NLRP11: variants seen among roughly 807,000 people sequenced by gnomAD.
NLRP11 encodes NACHT, LRR and PYD domains-containing protein 11.
In NLRP11, 53 loss-of-function variants were observed where a neutral mutation model predicts 79.3. The observed-to-expected ratio is 0.67, with a 90% confidence interval of 0.54 to 0.84. The LOEUF (loss-of-function observed/expected upper bound fraction) is 0.84, where lower values mean the gene tolerates loss of function less well. NLRP11 is among the 40% of genes least tolerant of loss of function. The pLI, the probability that NLRP11 is intolerant of heterozygous loss-of-function variation, is 0.00. For missense variants in NLRP11, 1,264 were observed against 1,255.0 expected (o/e 1.01, Z -0.11); for synonymous variants, 518 against 462.6 (o/e 1.12, Z -1.54).
chr19:55,822,882 C>T (rs1481331614), intron 1 of NLRP11, among the ~76,000 whole-genome samples: 1 of 152,210 alleles, frequency 6.6e-6, no homozygotes, highest in Non-Finnish European at 1.5e-5. Flanking sequence ...ACAAAGCAGC[C>T]AGGAAGCTGG....
At chr19:55,812,236 G>C (rs370394351) in intron 2 of NLRP11, among the ~76,000 whole-genome samples, 1 of 152,144 alleles carries the variant, frequency 6.6e-6, no homozygotes, top group African/African-American at 2.4e-5. Flanking sequence ...GGTATATAGA[G>C]TATAAGAATC....
rs1176795923 is a variant in NLRP11, at chr19:55,797,897, C to G, written c.2172-1647G>C. ...GGAGCAGGTTTGGTGTTTTAAACAT[C>G]TACAACAAACAGTGCAGCCGCAGCA... On this transcript the variant is annotated intron_variant, in intron 5 of 9. Coordinates refer to ENST00000589093, the Ensembl canonical transcript of NLRP11. Among the ~76,000 whole-genome samples the G allele has an allele frequency of 4.6e-5, 7 of 152,222 alleles. No individual in the cohort carries two copies. In the East Asian group the frequency reaches 1.4e-3, roughly 29 times the overall value.
intron 5 of NLRP11, 63 bp from the exon 6 acceptor site, chr19:55,796,313 T>TAAA (rs35540760): frequency 1.8e-4 from 180 of 1,013,320 alleles, no homozygotes; most frequent in South Asian, 2.9e-4. Flanking sequence ...TCTTTTAAAT[T>TAAA]AAAAAAAAAA....
Position 55,809,469 on chromosome 19 carries a change from C to T in NLRP11, c.1141G>A (p.Glu381Lys). The T allele has an allele frequency of 6.2e-7, 1 of 1,614,182 alleles. No individual in the cohort carries two copies. Residue 381 changes from glutamate to lysine, a missense_variant, in exon 3 of 10, where the codon GAG (glutamate) becomes AAG (lysine). Transcript: ENST00000589093. The surrounding 1 kb of genome is among the most constrained non-coding windows in gnomAD (Gnocchi z 4.5). ...TACTGATTGGCAGTAAGTCCAGCCT[C>T]TGATGTCAACGCATCAGCAAGAAAG...
At chr19:55,805,771 C>A (rs1482272522) in intron 4 of NLRP11, among the ~76,000 whole-genome samples, 1 of 152,170 alleles carries the variant, frequency 6.6e-6, no homozygotes, top group East Asian at 1.9e-4. Context: ...AACTCCCAAC[C>A]TCAAGTGATC....
At chr19:55,821,243 A>ACACACACC (rs1981691616) in intron 1 of NLRP11, among the ~76,000 whole-genome samples, 1 of 121,182 alleles carries the variant, frequency 8.3e-6, no homozygotes, top group Non-Finnish European at 1.8e-5. Flanking sequence ...ACACACACAC[A>ACACACACC]CACACACCCC....
At chr19:55,788,999 A>G (rs1322161926) in intron 8 of NLRP11, 22 bp from the exon 9 acceptor site, 2 of 1,613,348 alleles carry the variant, frequency 1.2e-6, no homozygotes, top group Non-Finnish European at 1.7e-6. Flanking sequence ...ATGCACAGGT[A>G]AGGTGGGGCC....
chr19:55,816,016 A>G (rs1600195828), intron 2 of NLRP11, among the ~76,000 whole-genome samples: 1 of 152,252 alleles, frequency 6.6e-6, no homozygotes, highest in Non-Finnish European at 1.5e-5. Context: ...CCTGTGAGTC[A>G]TAACGATGAG....
exon 2 of NLRP11, chr19:55,818,090 A>G: frequency 8.1e-6 from 13 of 1,613,772 alleles, no homozygotes; most frequent in Non-Finnish European, 1.1e-5. Flanking sequence ...CGTGCCAGAT[A>G]CTTCTTAAAA....
intron 9 of NLRP11, among the ~76,000 whole-genome samples, chr19:55,787,446 C>T (rs981524428): frequency 3.9e-5 from 6 of 152,192 alleles, no homozygotes; most frequent in African/African-American, 1.4e-4. Context: ...AAGTGATTCT[C>T]GTGCCTCAGC....
upstream of NLRP11, among the ~76,000 whole-genome samples, chr19:55,835,026 C>T (rs1983113388): frequency 6.6e-6 from 1 of 152,184 alleles, no homozygotes; most frequent in Non-Finnish European, 1.5e-5. Context: ...CTTATGGGTA[C>T]ATGAGTCTGC....
At chr19:55,808,909 C>T (rs1980277480) in exon 3 of NLRP11, 1 of 1,614,096 alleles carries the variant, frequency 6.2e-7, no homozygotes, top group African/African-American at 1.3e-5. Flanking sequence ...AAACTGTAAC[C>T]TCCATGAGAG....
chr19:55,801,724 CGA>C lies in NLRP11; in HGVS notation c.2017_2018del (p.Ser673AspfsTer6). The C allele has an allele frequency of 6.2e-7, 1 of 1,614,076 alleles. No homozygotes were observed. Among genetic ancestry groups the C allele is most frequent in the Non-Finnish European group, 8.5e-7 (1 of 1,179,966 alleles). ...GTAAGTCTTCAAAACCAGAAGCAGT[CGA>C]GACATAGGACAACCTGTGGAAGACA... On this transcript the variant is annotated frameshift_variant, in exon 5 of 10. Transcript: ENST00000589093. LOFTEE classifies it high-confidence loss of function.
Position 55,831,277 on chromosome 19 carries a change from C to G in NLRP11, c.-63+686G>C, listed in dbSNP as rs551303277. The stretch of plus-strand genomic sequence containing the variant: ...CGGGCATTAACATTAAAATAGAGCT[C>G]AGGACCGGGTGCAGGAGCTCACGCC... On this transcript the variant is annotated intron_variant, in intron 1 of 9. Coordinates refer to ENST00000589093, the Ensembl canonical transcript of NLRP11. Among the ~76,000 whole-genome samples, 184 of 151,630 alleles carry G rather than the reference C, an allele frequency of 1.2e-3. 2 individuals are homozygous for G. The Middle Eastern group carries it at 0.027, about 23-fold the overall frequency.
Position 55,807,535 on chromosome 19 carries a change from C to G in NLRP11, c.2003+318G>C, listed in dbSNP as rs564946081. Among the ~76,000 whole-genome samples the G allele has an allele frequency of 2.0e-5, 3 of 152,120 alleles. No homozygotes were observed. In the South Asian group the frequency reaches 6.2e-4, roughly 32 times the overall value. ...GGTAAACAGGCCAATGAGATGCAAG[C>G]AGAAGTGATACAAGAAAGAGTTTTG... On this transcript the variant is annotated intron_variant, in intron 4 of 9. Coordinates refer to ENST00000589093, the Ensembl canonical transcript of NLRP11.
chr19:55,800,766 C>T (rs1173619674), intron 5 of NLRP11, among the ~76,000 whole-genome samples: 2 of 152,144 alleles, frequency 1.3e-5, no homozygotes, highest in African/African-American at 4.8e-5. Context: ...CGGCGATGTT[C>T]TCTGTGAAAT....
At chr19:55,823,986 G>C (rs1982066907) in intron 1 of NLRP11, among the ~76,000 whole-genome samples, 1 of 120,222 alleles carries the variant, frequency 8.3e-6, no homozygotes, top group African/African-American at 3.9e-5. Flanking sequence ...TTGAAATGAA[G>C]GAAAAAATGT....
chr19:55,795,638 C>T (rs914905776), intron 6 of NLRP11, among the ~76,000 whole-genome samples: 2 of 152,004 alleles, frequency 1.3e-5, no homozygotes, highest in African/African-American at 2.4e-5. Context: ...TACAGGTACC[C>T]GCCACCACGC....
chr19:55,830,511 T>C (rs1239450706), intron 1 of NLRP11, among the ~76,000 whole-genome samples: 1 of 151,840 alleles, frequency 6.6e-6, no homozygotes, highest in Non-Finnish European at 1.5e-5. Context: ...TCTCAGTCTT[T>C]AGGTGTTTCT....
Sources: gnomAD v4.1 joint callset for allele counts (sites outside exome capture counted in the v4.1 genomes callset) on GRCh38, gnomAD v4.1.1 for gene constraint, Gnocchi (gnomAD v3.1) non-coding constraint, MANE v1.5 for transcripts, NCBI Gene and HGNC (gene_info 2026-07-23, HGNC 2026-07-21) for gene names.